Variants in PARD3B observed in about 807,000 individuals in gnomAD.
The protein encoded by PARD3B is par-3 family cell polarity regulator beta.
In PARD3B, 103 loss-of-function variants were observed where a neutral mutation model predicts 130.2. The ratio of observed to expected loss-of-function variants is 0.79; its 90% CI spans 0.67 to 0.93. The LOEUF is 0.93. PARD3B is among the 40% of genes least tolerant of loss of function. The pLI, the probability that PARD3B is intolerant of heterozygous loss-of-function variation, is 0.00. For missense variants in PARD3B, 1,609 were observed against 1,499.2 expected (o/e 1.07, Z -1.21); for synonymous variants, 583 against 553.2 (o/e 1.05, Z -0.76).
chr2:205,079,448 G>A (rs916323060), intron 4 of PARD3B, among the ~76,000 whole-genome samples: 2 of 152,154 alleles, frequency 1.3e-5, no homozygotes, highest in African/African-American at 2.4e-5. Flanking sequence ...CCCTGTTGCT[G>A]TATCCTTACA....
rs569205303 is a variant in PARD3B at position 204,675,331 on chromosome 2, AT to A, written c.121-10842del. ...ATCAATTATGCATTAAATATCTTTA[AT>A]TTTTTTTAATTTCAGACTTTTAACG... On this transcript the variant is annotated intron_variant, in intron 1 of 22. Coordinates refer to ENST00000406610, the MANE Select transcript of PARD3B (RefSeq NM_001302769.2). The surrounding 1 kb of genome is among the most constrained non-coding windows in gnomAD (Gnocchi z 4.4). Among the ~76,000 whole-genome samples the A allele has an allele frequency of 1.3e-4, 20 of 151,920 alleles. No individual in the cohort carries two copies. The highest frequency in any genetic ancestry group is 2.5e-4 in the Non-Finnish European group (17 of 67,898).
At chr2:204,692,412 A>G (rs2037397117) in intron 2 of PARD3B, among the ~76,000 whole-genome samples, 1 of 151,994 alleles carries the variant, frequency 6.6e-6, no homozygotes, top group African/African-American at 2.4e-5. Context: ...GTGGTGATGA[A>G]GTGTGTAACT....
chr2:204,766,849 G>A (rs2041174473), intron 2 of PARD3B, among the ~76,000 whole-genome samples: 1 of 150,420 alleles, frequency 6.6e-6, no homozygotes, highest in South Asian at 2.1e-4. Context: ...TTATACTGAG[G>A]AATTGATTGA....
intron 16 of PARD3B, among the ~76,000 whole-genome samples, chr2:205,255,290 C>A (rs991419338): frequency 6.6e-6 from 1 of 152,148 alleles, no homozygotes; most frequent in African/African-American, 2.4e-5. Flanking sequence ...CAGAGCCAGT[C>A]AGTTCCTGTA....
chr2:204,635,712 G>T (rs1014855991), intron 1 of PARD3B, among the ~76,000 whole-genome samples: 1 of 152,148 alleles, frequency 6.6e-6, no homozygotes, highest in African/African-American at 2.4e-5. Context: ...GCCTGGCTCT[G>T]CCAACTAATG....
At chr2:205,196,575 G>T (rs546429020) in intron 15 of PARD3B, among the ~76,000 whole-genome samples, 3 of 151,814 alleles carry the variant, frequency 2.0e-5, no homozygotes, top group East Asian at 1.9e-4. Context: ...GTGACATTTG[G>T]GTTATATGTT....
intron 4 of PARD3B, among the ~76,000 whole-genome samples, chr2:205,082,606 A>C (rs994836401): frequency 6.6e-6 from 1 of 151,946 alleles, no homozygotes; most frequent in Non-Finnish European, 1.5e-5. Flanking sequence ...GGTGTTTGTT[A>C]ATTTTTTTCA....
chr2:205,138,889 C>T (rs556600919), intron 10 of PARD3B, among the ~76,000 whole-genome samples: 57 of 152,210 alleles, frequency 3.7e-4, no homozygotes, highest in Non-Finnish European at 7.3e-4. Context: ...GCCATGGCAA[C>T]GCTTGTTGCC....
At chr2:204,823,758 G>A (rs189404419) in intron 2 of PARD3B, among the ~76,000 whole-genome samples, 178 of 152,184 alleles carry the variant, frequency 1.2e-3, no homozygotes, top group African/African-American at 3.9e-3. Context: ...GGACCAGTAT[G>A]GTGAAACCGT....
At chr2:205,213,438 A>C (rs1248633814) in intron 15 of PARD3B, among the ~76,000 whole-genome samples, 1 of 152,056 alleles carries the variant, frequency 6.6e-6, no homozygotes, top group African/African-American at 2.4e-5. Flanking sequence ...ACCACTTAGC[A>C]TGTGTAGGTG....
At chr2:205,296,979 A>C (rs1425996723) in intron 16 of PARD3B, among the ~76,000 whole-genome samples, 3 of 151,998 alleles carry the variant, frequency 2.0e-5, no homozygotes, top group Non-Finnish European at 4.4e-5. Context: ...CCTTGAGAAT[A>C]ATTTTTATGT....
intron 10 of PARD3B, among the ~76,000 whole-genome samples, chr2:205,143,761 T>A (rs2033152586): frequency 6.6e-6 from 1 of 152,168 alleles, no homozygotes; most frequent in Non-Finnish European, 1.5e-5. Context: ...GCAGGAAGAA[T>A]TTTCCTGAAT....
chr2:204,649,263 G>T (rs2035397149), intron 1 of PARD3B, among the ~76,000 whole-genome samples: 1 of 150,790 alleles, frequency 6.6e-6, no homozygotes, highest in Non-Finnish European at 1.5e-5. Flanking sequence ...TTTGTCCATT[G>T]TGTTTTTTGG....
In PARD3B at chr2:204,932,649, G is replaced by A. The variant is rs193298386; in HGVS notation, c.223-32503G>A. Among the ~76,000 whole-genome samples the A allele has an allele frequency of 3.1e-3, 472 of 152,230 alleles. 5 individuals carry two copies. The highest frequency in any genetic ancestry group is 0.011 in the African/African-American group (444 of 41,556). On this transcript the variant is annotated intron_variant, in intron 2 of 22. Transcript: ENST00000406610. ...AAGAAAGAATGTGTTTTTGATTAAC[G>A]TAATAAACATTCTTTGGAAGTAAAT...
chr2:205,615,597 G>A lies in PARD3B; in HGVS notation c.3402G>A (p.Val1134=), dbSNP rs753881758. The change falls in exon 23 of 23, where the codon GTG becomes GTA. Residue 1134 remains valine (V), a synonymous_variant. Transcript: ENST00000406610. ...GSYPRPTELR[V]ADLRYPQHYP... is the part of the protein sequence containing the mutation. ...ATCCCCGCCCCACAGAGCTCAGGGT[G>A]GCAGATCTCCGGTATCCTCAGCACT... 7 of 1,614,044 alleles carry A rather than the reference G, an allele frequency of 4.3e-6. No homozygotes were observed. The highest frequency in any genetic ancestry group is 5.9e-6 in the Non-Finnish European group (7 of 1,179,956).
intron 2 of PARD3B, among the ~76,000 whole-genome samples, chr2:204,862,796 G>T (rs1044469820): frequency 1.3e-5 from 2 of 152,120 alleles, no homozygotes; most frequent in African/African-American, 4.8e-5. Flanking sequence ...GGAAAGATTA[G>T]GCTTGAGACA....
At chr2:204,902,383 G>A (rs2046891944) in intron 2 of PARD3B, among the ~76,000 whole-genome samples, 1 of 151,740 alleles carries the variant, frequency 6.6e-6, no homozygotes, top group African/African-American at 2.4e-5. Flanking sequence ...TAAAGAATGA[G>A]TTTCAGCCAG....
At chr2:205,208,538 A>G (rs1273448703) in intron 15 of PARD3B, among the ~76,000 whole-genome samples, 1 of 145,154 alleles carries the variant, frequency 6.9e-6, no homozygotes, top group Non-Finnish European at 1.5e-5. Context: ...ATACAAAATC[A>G]ATGTACAAAA....
In PARD3B at chr2:205,455,767, T is replaced by C. The variant is rs185645639; in HGVS notation, c.3044+15095T>C. Among the ~76,000 whole-genome samples the C allele has an allele frequency of 2.0e-4, 31 of 152,186 alleles. No homozygotes were observed. In the East Asian group the frequency reaches 6.0e-3, roughly 29 times the overall value. ...CACCCAATTTTCTCCAGTGGTTACA[T>C]CTTACATAATCGTAGTACAATATCA... is the stretch of plus-strand genomic sequence containing the variant. On this transcript the variant is annotated intron_variant, in intron 20 of 22. Transcript: ENST00000406610.
Sources: gnomAD v4.1 joint callset for allele counts (sites outside exome capture counted in the v4.1 genomes callset) on GRCh38, gnomAD v4.1.1 for gene constraint, Gnocchi (gnomAD v3.1) non-coding constraint, MANE v1.5 for transcripts, NCBI Gene and HGNC (gene_info 2026-07-23, HGNC 2026-07-21) for gene names.